Variants in PPP1R12B observed in about 807,000 individuals in gnomAD.
PPP1R12B encodes the protein myosin phosphatase target subunit 2.
In PPP1R12B, 76 loss-of-function variants were observed where a neutral mutation model predicts 126.1. That is an observed-to-expected ratio of 0.60 (90% CI 0.50 to 0.73). PPP1R12B has a LOEUF of 0.73. Among genes scored for constraint, PPP1R12B ranks in the 30% least tolerant of loss-of-function variants. The pLI is 0.00. For missense variants in PPP1R12B, 1,052 were observed against 1,205.1 expected, an observed-to-expected ratio of 0.87 and a Z score of 1.88; for synonymous variants, 356 against 434.7, an observed-to-expected ratio of 0.82 and a Z score of 2.25.
At chr1:202,437,759 T>C in intron 9 of PPP1R12B, 62 bp from the exon 10 acceptor site, 2 of 1,458,604 alleles carry the variant, frequency 1.4e-6, no homozygotes, top group African/African-American at 1.4e-5. Flanking sequence ...AAAAGGCAAA[T>C]AGGCTGAGAA....
chr1:202,577,478 A>G (rs940382979), intron 23 of PPP1R12B, among the ~76,000 whole-genome samples: 3 of 152,164 alleles, frequency 2.0e-5, no homozygotes, highest in Non-Finnish European at 4.4e-5. Context: ...ATTGTCTGGC[A>G]TTTTACAGAA....
At chr1:202,373,175 A>T (rs1187792707) in intron 1 of PPP1R12B, among the ~76,000 whole-genome samples, 3 of 152,020 alleles carry the variant, frequency 2.0e-5, no homozygotes, top group Non-Finnish European at 2.9e-5. Flanking sequence ...ACCTCAAGTG[A>T]TCCTCCCTCC....
chr1:202,564,556 G>A lies in PPP1R12B; in HGVS notation c.2757+9G>A, dbSNP rs201564202. ...TTGAGAAGGTGGCCCAGGTAAGACG[G>A]AAGAAGAAGAAAAAAGATGAGAACC... On this transcript the variant is annotated intron_variant, in intron 21 of 23. Coordinates refer to ENST00000608999, the MANE Select transcript of PPP1R12B (RefSeq NM_002481.4). 6.3e-7 allele frequency: 1 copy of A among 1,587,712 alleles called. No individual in the cohort carries two copies.
intron 18 of PPP1R12B, among the ~76,000 whole-genome samples, chr1:202,524,335 T>C (rs1301667208): frequency 6.6e-6 from 1 of 152,150 alleles, no homozygotes; most frequent in South Asian, 2.1e-4. Context: ...ATGAAGCAGG[T>C]TGGGGAAGAA....
At chr1:202,468,256 T>C (rs562259073) in intron 13 of PPP1R12B, among the ~76,000 whole-genome samples, 26 of 152,332 alleles carry the variant, frequency 1.7e-4, no homozygotes, top group Admixed American at 5.9e-4. Context: ...ATTTTGGCTT[T>C]TGTTGCCATT....
chr1:202,431,534 AG>A lies in PPP1R12B; in HGVS notation c.1057del (p.Glu353LysfsTer90), dbSNP rs1425358980. On this transcript the variant is annotated frameshift_variant, in exon 8 of 24. Coordinates refer to ENST00000608999, the MANE Select transcript of PPP1R12B (RefSeq NM_002481.4). LOFTEE classifies it high-confidence loss of function. ...ETPKSQEMEEENKESSSSSSE... is the reference protein window; with the variant it reads ...ETPKSQEMEEXNKESSSSSSE... Reference sequence around the variant, plus strand: ...CACCTAAGTCCCAAGAAATGGAGGAAGAAAATAAAGAATCTAGTAGCTCCAG... The same window carrying A: ...CACCTAAGTCCCAAGAAATGGAGGAAAAAATAAAGAATCTAGTAGCTCCAG... The A allele has an allele frequency of 1.2e-6, 2 of 1,613,470 alleles. No homozygotes were observed. Among genetic ancestry groups the A allele is most frequent in the Non-Finnish European group, 1.7e-6 (2 of 1,179,790 alleles).
rs370910598 is a variant in PPP1R12B, at chr1:202,543,036, A to C, written c.2491-15841A>C. The stretch of plus-strand genomic sequence containing the variant: ...AGTGTTGTTAACAGGGCTAAATAGT[A>C]AATGCCCCCATATAAGGAAAATATC... On this transcript the variant is annotated intron_variant, in intron 18 of 23. Coordinates refer to ENST00000608999, the MANE Select transcript of PPP1R12B (RefSeq NM_002481.4). 1.8e-4 allele frequency among the ~76,000 whole-genome samples: 28 copies of C among 152,234 alleles called. No individual in the cohort carries two copies. In the East Asian group the frequency reaches 1.9e-3, roughly 11 times the overall value.
intron 23 of PPP1R12B, among the ~76,000 whole-genome samples, chr1:202,574,085 G>T (rs1239513873): frequency 6.6e-6 from 1 of 151,032 alleles, no homozygotes; most frequent in Non-Finnish European, 1.5e-5. Flanking sequence ...TACAAAGCAG[G>T]TTAGAGGACG....
chr1:202,416,782 T>C lies in PPP1R12B; in HGVS notation c.292-5T>C. 1.7e-5 allele frequency: 28 copies of C among 1,612,814 alleles called. No individual in the cohort carries two copies. Among genetic ancestry groups the C allele is most frequent in the Non-Finnish European group, 2.4e-5 (28 of 1,179,272 alleles). ...TTGAATGAATGAATGGACTTTTCTT[T>C]TCAGGCATGTATTGATGAAAATTTG... On this transcript the variant is annotated splice_region_variant and splice_polypyrimidine_tract_variant and intron_variant, in intron 1 of 23. Coordinates refer to ENST00000608999, the MANE Select transcript of PPP1R12B (RefSeq NM_002481.4).
In PPP1R12B at chr1:202,425,556, G is replaced by T; in HGVS notation, c.542-10G>T. 6.2e-7 allele frequency: 1 copy of T among 1,612,302 alleles called. No individual in the cohort carries two copies. Among genetic ancestry groups the T allele is most frequent in the Non-Finnish European group, 8.5e-7 (1 of 1,178,948 alleles). ...AGTAATCCTGGCTGTCTGGTATCTG[G>T]TTTCTGTAGGAGTTGATCTAGAGCA... On this transcript the variant is annotated splice_polypyrimidine_tract_variant and intron_variant, in intron 3 of 23. Transcript: ENST00000608999.
chr1:202,420,951 C>A (rs903898926), intron 2 of PPP1R12B, among the ~76,000 whole-genome samples: 4 of 134,602 alleles, frequency 3.0e-5, no homozygotes, highest in African/African-American at 8.7e-5. Flanking sequence ...TCTATTGATT[C>A]TTTTCCCTCT....
At chr1:202,414,070 C>T (rs1465240681) in intron 1 of PPP1R12B, among the ~76,000 whole-genome samples, 8 of 152,076 alleles carry the variant, frequency 5.3e-5, no homozygotes, top group Non-Finnish European at 8.8e-5. Flanking sequence ...TACAGGTGTG[C>T]ACCACCATAC....
intron 13 of PPP1R12B, among the ~76,000 whole-genome samples, chr1:202,470,046 G>A (rs556003210): frequency 6.6e-6 from 1 of 152,114 alleles, no homozygotes; most frequent in Non-Finnish European, 1.5e-5. Context: ...TTTCCCCATT[G>A]GAGGCCATCC....
chr1:202,431,405 G>T, intron 7 of PPP1R12B, 75 bp from the exon 8 acceptor site: 20 of 1,270,626 alleles, frequency 1.6e-5, no homozygotes, highest in Non-Finnish European at 2.2e-5. Context: ...CCACATATAG[G>T]TTTATAGACT....
At chr1:202,367,904 G>C (rs1249411297) in intron 1 of PPP1R12B, among the ~76,000 whole-genome samples, 1 of 152,054 alleles carries the variant, frequency 6.6e-6, no homozygotes, top group African/African-American at 2.4e-5. Context: ...TCATACGGGA[G>C]GGTCCCTCAT....
chr1:202,455,626 A>T (rs1407398955), intron 13 of PPP1R12B, among the ~76,000 whole-genome samples: 1 of 152,226 alleles, frequency 6.6e-6, no homozygotes, highest in Non-Finnish European at 1.5e-5. Flanking sequence ...GTCAATGGAC[A>T]CTTGAGTTGT....
chr1:202,433,044 A>G (rs746226229), intron 8 of PPP1R12B, among the ~76,000 whole-genome samples: 3 of 152,250 alleles, frequency 2.0e-5, no homozygotes, highest in Non-Finnish European at 2.9e-5. Flanking sequence ...TAGAGAAGAA[A>G]GGCACCAGCT....
chr1:202,513,607 T>C (rs1681787265), intron 18 of PPP1R12B, among the ~76,000 whole-genome samples: 1 of 152,330 alleles, frequency 6.6e-6, no homozygotes, highest in East Asian at 1.9e-4. Context: ...TTTTAAGCTA[T>C]GAAAAATACA....
In PPP1R12B at chr1:202,495,277, T is replaced by G. The variant is rs1679402309; in HGVS notation, c.2146-16T>G. The G allele has an allele frequency of 6.5e-7, 1 of 1,533,346 alleles. No individual in the cohort carries two copies. Among genetic ancestry groups the G allele is most frequent in the African/African-American group, 1.4e-5 (1 of 72,056 alleles). The allele number at this position is 1,533,346 out of a possible 1,614,324, so 95.0% of individuals were successfully genotyped here. A position where few individuals can be genotyped will look rare whatever the true frequency, so the allele number is the denominator to read the frequency against. ...GGACTTGATTTCTAATATCTCATAT[T>G]GTGGATTATTTCCAGCCTATCTGTC... is the stretch of plus-strand genomic sequence containing the variant. On this transcript the variant is annotated splice_polypyrimidine_tract_variant and intron_variant, in intron 15 of 23. Coordinates refer to ENST00000608999, the MANE Select transcript of PPP1R12B (RefSeq NM_002481.4).
Sources: gnomAD v4.1 joint callset for allele counts (sites outside exome capture counted in the v4.1 genomes callset) on GRCh38, gnomAD v4.1.1 for gene constraint, MANE v1.5 for transcripts, NCBI Gene and HGNC (gene_info 2026-07-23, HGNC 2026-07-21) for gene names.